NRXN3: variants seen among roughly 807,000 people sequenced by gnomAD.
NRXN3 encodes the protein neurexin 3.
NRXN3 carries 32 observed loss-of-function variants against 137.6 expected under a neutral mutation model. The observed-to-expected ratio is 0.23, with a 90% CI of 0.18 to 0.31. The LOEUF is 0.31. NRXN3 is among the 10% of genes least tolerant of loss of function. The pLI is 1.00. For missense variants in NRXN3, 1,574 were observed against 2,062.5 expected, an observed-to-expected ratio of 0.76 and a Z score of 4.59; for synonymous variants, 798 against 784.5, an observed-to-expected ratio of 1.02 and a Z score of -0.29.
In NRXN3 at chr14:79,645,472, C is replaced by T. The variant is rs1016634856; in HGVS notation, c.3445-18306C>T. Among the ~76,000 whole-genome samples, 4 of 133,314 alleles carry T rather than the reference C, an allele frequency of 3.0e-5. 1 individual carries two copies. Among genetic ancestry groups the T allele is most frequent in the South Asian group, 2.4e-4 (1 of 4,150 alleles). The allele number at this position is 133,314 out of a possible 152,430, so 87.5% of individuals were successfully genotyped here. A position where few individuals can be genotyped will look rare whatever the true frequency, so the allele number is the denominator to read the frequency against. On this transcript the variant is annotated intron_variant, in intron 16 of 20. Coordinates refer to ENST00000335750, the MANE Select transcript of NRXN3 (RefSeq NM_001330195.2). ...CTCTACTAAAAATACAAAAATCAGCCGGGTGTGGTGGCAGACACCTGTAAT... is the reference window on the plus strand; with the variant it reads ...CTCTACTAAAAATACAAAAATCAGCTGGGTGTGGTGGCAGACACCTGTAAT...
chr14:78,194,554 G>A (rs554424480), intron 1 of NRXN3, among the ~76,000 whole-genome samples: 2 of 152,248 alleles, frequency 1.3e-5, no homozygotes, highest in South Asian at 2.1e-4. Flanking sequence ...CTGGCCTGCC[G>A]GGCCTGGCTG....
chr14:79,212,321 C>G (rs991830585), intron 15 of NRXN3, among the ~76,000 whole-genome samples: 18 of 152,164 alleles, frequency 1.2e-4, no homozygotes, highest in African/African-American at 4.3e-4. Flanking sequence ...TGGAGAAAGA[C>G]TGTGAAATGA....
intron 16 of NRXN3, among the ~76,000 whole-genome samples, chr14:79,577,978 T>A (rs1308356732): frequency 1.3e-5 from 2 of 152,194 alleles, no homozygotes; most frequent in Non-Finnish European, 2.9e-5. Context: ...CAATCTGCAC[T>A]GTTATTATAC....
rs960627649 is a variant in NRXN3, at chr14:78,804,839, A to G, written c.2248+1016A>G. Among the ~76,000 whole-genome samples the G allele has an allele frequency of 3.9e-5, 6 of 152,330 alleles. No individual in the cohort carries two copies. The South Asian group carries it at 1.2e-3, about 32-fold the overall frequency. On this transcript the variant is annotated intron_variant, in intron 9 of 20. Coordinates refer to ENST00000335750, the MANE Select transcript of NRXN3 (RefSeq NM_001330195.2). ...CAGAAAGTCAATACCCAGCATTGAT[A>G]AGATTAGTGAGACAGCTGGGTCCAA...
Position 78,609,269 on chromosome 14 carries a change from G to A in NRXN3, c.758-35851G>A, listed in dbSNP as rs117259744. Among the ~76,000 whole-genome samples the A allele has an allele frequency of 4.3e-3, 650 of 151,562 alleles. 2 individuals carry two copies. The highest frequency in any genetic ancestry group is 7.6e-3 in the Non-Finnish European group (513 of 67,900). Reference sequence around the variant, plus strand: ...GTTAAGGGCAGGGTAGAGATAGGCAGATATCATGAGATAACCTCCATGAAA... The same window carrying A: ...GTTAAGGGCAGGGTAGAGATAGGCAAATATCATGAGATAACCTCCATGAAA... On this transcript the variant is annotated intron_variant, in intron 4 of 20. Transcript: ENST00000335750.
chr14:79,028,735 T>C (rs1005076417), intron 15 of NRXN3, among the ~76,000 whole-genome samples: 12 of 152,084 alleles, frequency 7.9e-5, no homozygotes, highest in African/African-American at 2.9e-4. Context: ...AAGGGGGAAG[T>C]CATTGGTTGG....
chr14:78,681,573 G>A lies in NRXN3; in HGVS notation c.1222-27644G>A, dbSNP rs140524360. Among the ~76,000 whole-genome samples, 878 of 152,182 alleles carry A rather than the reference G, an allele frequency of 5.8e-3. 10 individuals are homozygous for A. The highest frequency in any genetic ancestry group is 0.02 in the African/African-American group (832 of 41,526). ...AGAGGAGGAAACATAAGTATTTTTC[G>A]TTTGTTAGGACCTCAATCATTCCTG... On this transcript the variant is annotated intron_variant, in intron 6 of 20. Transcript: ENST00000335750.
chr14:78,863,091 A>T (rs1373954766), intron 10 of NRXN3, among the ~76,000 whole-genome samples: 3 of 152,154 alleles, frequency 2.0e-5, no homozygotes, highest in Admixed American at 6.6e-5. Flanking sequence ...ATGCAGGATG[A>T]TGAAGTCCTT....
chr14:79,365,112 T>A (rs1235793027), intron 15 of NRXN3, among the ~76,000 whole-genome samples: 1 of 152,162 alleles, frequency 6.6e-6, no homozygotes, highest in African/African-American at 2.4e-5. Context: ...GAATATCACA[T>A]TTCGGGTGGT....
intron 14 of NRXN3, among the ~76,000 whole-genome samples, chr14:78,970,584 A>G (rs1211288503): frequency 6.6e-6 from 1 of 152,222 alleles, no homozygotes; most frequent in Non-Finnish European, 1.5e-5. Flanking sequence ...TTGGATTAAA[A>G]GGAGGTCTAA....
chr14:79,544,980 T>C (rs1324950911), intron 16 of NRXN3, among the ~76,000 whole-genome samples: 1 of 152,186 alleles, frequency 6.6e-6, no homozygotes, highest in African/African-American at 2.4e-5. Context: ...CATAGTCTCT[T>C]CTACAAGTAA....
At chr14:79,727,002 A>G (rs2098894371) in intron 19 of NRXN3, among the ~76,000 whole-genome samples, 1 of 152,176 alleles carries the variant, frequency 6.6e-6, no homozygotes, top group African/African-American at 2.4e-5. Flanking sequence ...TAATTTATAT[A>G]AAGTACCTAG....
chr14:78,242,834 T>G lies in NRXN3; in HGVS notation c.-260T>G. 2.2e-6 allele frequency: 1 copy of G among 450,034 alleles called. No homozygotes were observed. The highest frequency in any genetic ancestry group is 3.4e-5 in the East Asian group (1 of 29,198). The allele number at this position is 450,034 out of a possible 1,614,324, so 27.9% of individuals were successfully genotyped here. A position where few individuals can be genotyped will look rare whatever the true frequency, so the allele number is the denominator to read the frequency against. The stretch of plus-strand genomic sequence containing the variant: ...CAGTCCCTCACTTCCCCACCTGATT[T>G]TCCTCCTCTTCTGCTGGTCCTGTCT... On this transcript the variant is annotated 5_prime_UTR_variant, in exon 2 of 21. Transcript: ENST00000335750.
intron 15 of NRXN3, among the ~76,000 whole-genome samples, chr14:79,118,115 C>T (rs778477868): frequency 7.9e-5 from 12 of 151,524 alleles, no homozygotes; most frequent in Non-Finnish European, 1.6e-4. Flanking sequence ...ATGGTGAATC[C>T]CTTCCCAGTG....
rs78778539 is a variant in NRXN3, at chr14:78,736,047, C to G, written c.2044+20908C>G. Among the ~76,000 whole-genome samples the G allele has an allele frequency of 5.9e-3, 893 of 152,256 alleles. 7 individuals are homozygous for G. Among genetic ancestry groups the G allele is most frequent in the African/African-American group, 0.02 (814 of 41,548 alleles). On this transcript the variant is annotated intron_variant, in intron 8 of 20. Coordinates refer to ENST00000335750, the MANE Select transcript of NRXN3 (RefSeq NM_001330195.2). ...CTTCAGTGTAGCACTGTAGATTCCT[C>G]CCATGGAGCAAACTAAGGTGCTTTC...
intron 19 of NRXN3, among the ~76,000 whole-genome samples, chr14:79,795,329 G>C (rs1291491187): frequency 6.6e-6 from 1 of 152,152 alleles, no homozygotes; most frequent in African/African-American, 2.4e-5. Flanking sequence ...GCCCATCTGG[G>C]TTTCTGAACT....
At chr14:78,718,211 T>G (rs911154841) in intron 8 of NRXN3, among the ~76,000 whole-genome samples, 6 of 152,276 alleles carry the variant, frequency 3.9e-5, no homozygotes, top group African/African-American at 1.4e-4. Context: ...GTACTAAATG[T>G]GTTAAGCCTA....
At chr14:79,480,689 G>T (rs1224616429) in intron 16 of NRXN3, among the ~76,000 whole-genome samples, 4 of 152,100 alleles carry the variant, frequency 2.6e-5, no homozygotes, top group African/African-American at 4.8e-5. Flanking sequence ...TTGGAGGTGG[G>T]CCTTGGAGGG....
At chr14:79,121,129 C>A (rs2055349322) in intron 15 of NRXN3, among the ~76,000 whole-genome samples, 1 of 152,192 alleles carries the variant, frequency 6.6e-6, no homozygotes, top group Admixed American at 6.5e-5. Context: ...CTCACAATTG[C>A]TATAGCAAAT....
Sources: gnomAD v4.1 joint callset for allele counts (sites outside exome capture counted in the v4.1 genomes callset) on GRCh38, gnomAD v4.1.1 for gene constraint, MANE v1.5 for transcripts, NCBI Gene and HGNC (gene_info 2026-07-23, HGNC 2026-07-21) for gene names.